ATF7IP: variants seen among roughly 807,000 people sequenced by gnomAD.
ATF7IP encodes the protein activating transcription factor 7-interacting protein 1.
In ATF7IP, 23 loss-of-function variants were observed where a neutral mutation model predicts 106.4. The ratio of observed to expected loss-of-function variants is 0.22; its 90% CI spans 0.16 to 0.31. The LOEUF is 0.31. Ranked by LOEUF, ATF7IP falls within the 10% of genes least tolerant of loss-of-function variation. ATF7IP has a pLI of 1.00. For missense variants in ATF7IP, 1,334 were observed against 1,524.3 expected, an observed-to-expected ratio of 0.88 and a Z score of 2.08; for synonymous variants, 542 against 539.0, an observed-to-expected ratio of 1.01 and a Z score of -0.08.
chr12:14,494,352 T>C (rs1458775482), intron 13 of ATF7IP, among the ~76,000 whole-genome samples: 8 of 135,500 alleles, frequency 5.9e-5, no homozygotes, highest in African/African-American at 2.2e-4. Context: ...TGTATATGTA[T>C]ATATACACAT....
intron 1 of ATF7IP, among the ~76,000 whole-genome samples, chr12:14,366,455 A>T (rs1215642916): frequency 6.6e-6 from 1 of 152,252 alleles, no homozygotes; most frequent in Non-Finnish European, 1.5e-5. Context: ...TTTACAAAAC[A>T]GAAACAATTT....
At chr12:14,468,851 T>G (rs1252103104) in intron 10 of ATF7IP, among the ~76,000 whole-genome samples, 2 of 152,230 alleles carry the variant, frequency 1.3e-5, no homozygotes, top group African/African-American at 4.8e-5. Context: ...ATCATTTTTG[T>G]TATTGTGATG....
At position 14,481,165 on chromosome 12, in the gene ATF7IP, G is replaced by C. The variant is rs1332595968; in HGVS notation, c.3260G>C (p.Arg1087Pro). 6.2e-6 allele frequency: 10 copies of C among 1,613,630 alleles called. No homozygotes were observed. The highest frequency in any genetic ancestry group is 8.5e-6 in the Non-Finnish European group (10 of 1,179,944). ...RGTVMQAPAV[R>P]QVNPQNSVTV... ...ACTGTTATGCAGGCTCCTGCTGTTC[G>C]GCAGGTCAATCCCCAAAATAGTAAG... Residue 1087 changes from arginine to proline, a missense_variant, in exon 13 of 15, where the codon CGG becomes CCG. Arg to Pro is a moderately radical substitution (Grantham distance 103). Around this residue, in one of 10 missense-constraint regions of ATF7IP, gnomAD observed 370 missense variants for 401.2 expected, o/e 0.92. Transcript: ENST00000261168.
At chr12:14,456,755 T>C in intron 7 of ATF7IP, 121 bp downstream of exon 7, 1 of 694,750 alleles carries the variant, frequency 1.4e-6, no homozygotes, top group Non-Finnish European at 2.4e-6. Flanking sequence ...TTGGTGTACT[T>C]GGTTAGTATA....
At chr12:14,441,222 C>T (rs1942678096) in intron 5 of ATF7IP, among the ~76,000 whole-genome samples, 1 of 152,194 alleles carries the variant, frequency 6.6e-6, no homozygotes, top group African/African-American at 2.4e-5. Flanking sequence ...CATTTCTCCA[C>T]ATCCTCACCA....
intron 1 of ATF7IP, among the ~76,000 whole-genome samples, chr12:14,367,065 G>T (rs1938332714): frequency 6.6e-6 from 1 of 152,110 alleles, no homozygotes; most frequent in Admixed American, 6.5e-5. Context: ...TTCTCCCGTT[G>T]TGCAAATTCT....
At chr12:14,457,066 G>GT (rs778026684) in intron 7 of ATF7IP, 141 bp from the exon 8 acceptor site, 53 of 692,356 alleles carry the variant, frequency 7.7e-5, no homozygotes, top group Non-Finnish European at 1.3e-4. Context: ...ATGCCTCACT[G>GT]TTTTTGCTTG....
At chr12:14,420,247 C>A (rs758691442) in intron 1 of ATF7IP, 7 of 152,138 alleles carry the variant, frequency 4.6e-5, no homozygotes, top group Non-Finnish European at 8.8e-5. Context: ...TGGGTGACAT[C>A]AGAAAGTGGG....
chr12:14,476,138 G>A (rs1422327092), intron 11 of ATF7IP, 170 bp downstream of exon 11: 1 of 568,682 alleles, frequency 1.8e-6, no homozygotes, highest in Non-Finnish European at 3.1e-6. Flanking sequence ...GCCAGGTGCA[G>A]TGTCTCACAC....
intron 2 of ATF7IP, among the ~76,000 whole-genome samples, chr12:14,427,010 AATGTTAAATTGGC>A (rs1941889250): frequency 6.6e-6 from 1 of 152,154 alleles, no homozygotes; most frequent in Admixed American, 6.5e-5. Flanking sequence ...GTACAGTGAT[AATGTTAAATTGGC>A]ATTCTGGGAG....
intron 13 of ATF7IP, among the ~76,000 whole-genome samples, chr12:14,494,731 G>A (rs1205621989): frequency 4.0e-5 from 6 of 151,186 alleles, no homozygotes; most frequent in East Asian, 1.9e-4. Flanking sequence ...TCAGGAGTTC[G>A]AGATGAGCCT....
At chr12:14,406,167 C>A (rs1056590955) in intron 1 of ATF7IP, among the ~76,000 whole-genome samples, 1 of 152,066 alleles carries the variant, frequency 6.6e-6, no homozygotes, top group African/African-American at 2.4e-5. Flanking sequence ...GGCGTGATGT[C>A]AGCTCACTGC....
chr12:14,445,316 A>T (rs967537838), intron 5 of ATF7IP, among the ~76,000 whole-genome samples: 2 of 151,680 alleles, frequency 1.3e-5, no homozygotes, highest in African/African-American at 4.8e-5. Flanking sequence ...TAAAGAAAAA[A>T]TGACATTCTC....
chr12:14,495,837 C>A (rs1944995021), intron 13 of ATF7IP, among the ~76,000 whole-genome samples: 1 of 152,176 alleles, frequency 6.6e-6, no homozygotes, highest in Non-Finnish European at 1.5e-5. Flanking sequence ...TTACCTTTTA[C>A]ATGTGGTACA....
chr12:14,409,956 CTGTT>C (rs921871929), intron 1 of ATF7IP, among the ~76,000 whole-genome samples: 2 of 152,042 alleles, frequency 1.3e-5, no homozygotes, highest in Non-Finnish European at 2.9e-5. Flanking sequence ...TACAATTCAT[CTGTT>C]TGAGTGTATA....
chr12:14,424,474 G>A lies in ATF7IP; in HGVS notation c.559G>A (p.Gly187Ser). Residue 187 changes from glycine (G) to serine (S), a missense_variant, in exon 2 of 15, where the codon GGT (glycine) becomes AGT (serine). Gly to Ser is a moderately conservative substitution (Grantham distance 56). Around this residue, in one of 10 missense-constraint regions of ATF7IP, gnomAD observed 438 missense variants for 405.3 expected, o/e 1.08. Transcript: ENST00000261168. Reference protein sequence around the residue: ...GDAPSGDVSPGDATSGDATAD... With the variant: ...GDAPSGDVSPSDATSGDATAD... ...TGCCCCTTCTGGTGATGTGTCCCCTGGTGATGCCACCTCTGGTGATGCCAC... is the reference window on the plus strand; with the variant it reads ...TGCCCCTTCTGGTGATGTGTCCCCTAGTGATGCCACCTCTGGTGATGCCAC... 2 of 1,613,800 alleles carry A rather than the reference G, an allele frequency of 1.2e-6. No individual in the cohort carries two copies. The highest frequency in any genetic ancestry group is 1.1e-5 in the South Asian group (1 of 91,048).
intron 1 of ATF7IP, among the ~76,000 whole-genome samples, chr12:14,388,098 C>T (rs1939344188): frequency 6.7e-6 from 1 of 150,318 alleles, no homozygotes; most frequent in Non-Finnish European, 1.5e-5. Context: ...ACTGCACCCT[C>T]TGCCTCCTGG....
At chr12:14,439,501 C>T (rs1040159205) in intron 5 of ATF7IP, among the ~76,000 whole-genome samples, 4 of 152,188 alleles carry the variant, frequency 2.6e-5, no homozygotes, top group African/African-American at 9.7e-5. Context: ...TTTCTCATCA[C>T]ACCCACGGGT....
chr12:14,397,116 C>A (rs1353395758), intron 1 of ATF7IP, among the ~76,000 whole-genome samples: 2 of 152,044 alleles, frequency 1.3e-5, no homozygotes, highest in Admixed American at 6.5e-5. Context: ...AAGCCAAGAT[C>A]GCACCATTGC....
Sources: allele counts gnomAD v4.1 joint callset (sites outside exome capture counted in the v4.1 genomes callset), GRCh38; gene constraint gnomAD v4.1.1; regional missense constraint gnomAD v4.1.1; transcripts MANE v1.5; gene names NCBI Gene and HGNC (gene_info 2026-07-23, HGNC 2026-07-21).